The following MYO15B variants were observed in gnomAD, a reference collection of about 807,000 sequenced individuals.
MYO15B encodes myosin XVB pseudogene.
Under a neutral mutation model 119.3 loss-of-function variants are expected in MYO15B, and 207 were observed. The ratio of observed to expected loss-of-function variants is 1.73; its 90% confidence interval spans 1.55 to 1.95. The LOEUF (loss-of-function observed/expected upper bound fraction) is 1.95, where lower values mean the gene tolerates loss of function less well. Among genes scored for constraint, MYO15B ranks in the 30% most tolerant of loss-of-function variants. The pLI is 0.00. For synonymous variants in MYO15B, 966 were observed against 498.9 expected, an observed-to-expected ratio of 1.94 and a Z score of -12.48; for missense variants, 2,264 against 1,203.1, an observed-to-expected ratio of 1.88 and a Z score of -13.04.
At chr17:75,614,704 T>TG in intron 31 of MYO15B, 21 bp downstream of exon 31, 1 of 702,524 alleles carries the variant, frequency 1.4e-6, no homozygotes, top group Non-Finnish European at 2.6e-6. Context: ...AGTGGGCACA[T>TG]GGAGGTTGGC....
chr17:75,599,416 A>C (rs1338160232), intron 14 of MYO15B, among the ~76,000 whole-genome samples: 2 of 151,978 alleles, frequency 1.3e-5, no homozygotes, highest in African/African-American at 2.4e-5. Context: ...CTGGGACTAC[A>C]GGCACCCGCC....
At chr17:75,610,706 C>G in intron 22 of MYO15B, 194 bp from the exon 23 acceptor site, 1 of 584,460 alleles carries the variant, frequency 1.7e-6, no homozygotes, top group East Asian at 2.8e-5. Flanking sequence ...GGCAGATGGG[C>G]ACAGACGCCC....
exon 1 of MYO15B, chr17:75,588,347 G>C (rs1192220414): frequency 2.5e-6 from 1 of 398,448 alleles, no homozygotes; most frequent in Admixed American, 4.4e-5. Flanking sequence ...AACGCGCAGC[G>C]TCAGGGACGC....
In MYO15B at chr17:75,616,303, C is replaced by T. The variant is rs1487401394; in HGVS notation, c.6110-9C>T. Reference sequence around the variant, plus strand: ...TGGGTAACTTTGAAGGCCATCTGGACACTTGCAGGGCAGCCACAGATCACA... The same window carrying T: ...TGGGTAACTTTGAAGGCCATCTGGATACTTGCAGGGCAGCCACAGATCACA... On this transcript the variant is annotated splice_polypyrimidine_tract_variant and intron_variant, in intron 37 of 63. Transcript: ENST00000645453. 1.7e-6 allele frequency: 1 copy of T among 602,886 alleles called. No individual in the cohort carries two copies. 37.3% of individuals were successfully genotyped at this position (602,886 alleles called of 1,614,324 possible).
rs2148098638 is a variant in MYO15B at position 75,620,516 on chromosome 17, CAT to C, written c.7607_7608del (p.Ile2536SerfsTer51). 1.4e-6 allele frequency: 1 copy of C among 702,838 alleles called. No homozygotes were observed. The highest frequency in any genetic ancestry group is 1.5e-5 in the South Asian group (1 of 67,600). The allele number at this position is 702,838 out of a possible 1,614,324, so 43.5% of individuals were successfully genotyped here. ...GCCGTTCCGGACTCTTTCCTGCCGA[CAT>C]AGTGCAGCCGGCTGCCGCTCCCGAC... On this transcript the variant is annotated frameshift_variant, in exon 49 of 64. Coordinates refer to ENST00000645453, the Ensembl canonical transcript of MYO15B. LOFTEE classifies it high-confidence loss of function.
At chr17:75,625,287 C>T (rs1189065704) in intron 60 of MYO15B, 49 bp downstream of exon 60, 1 of 664,342 alleles carries the variant, frequency 1.5e-6, no homozygotes, top group African/African-American at 1.8e-5. Context: ...TCTCTAAGGT[C>T]AAGGCCATTT....
chr17:75,610,337 C>G, intron 22 of MYO15B, 78 bp downstream of exon 22: 1 of 617,098 alleles, frequency 1.6e-6, no homozygotes, highest in Non-Finnish European at 2.9e-6. Flanking sequence ...ATCCCAGCAG[C>G]GTTGACCCTC....
Position 75,611,728 on chromosome 17 carries a change from C to T in MYO15B, c.4504+70C>T, listed in dbSNP as rs1239950374. On this transcript the variant is annotated intron_variant, in intron 24 of 63. Transcript: ENST00000645453. Reference sequence around the variant, plus strand: ...CCTTTACTGTGGGGTGTGTCTGTCCCTTGTGGTTCCTCCCTCTGATGCTCC... The same window carrying T: ...CCTTTACTGTGGGGTGTGTCTGTCCTTTGTGGTTCCTCCCTCTGATGCTCC... The T allele has an allele frequency of 4.3e-6, 3 of 700,084 alleles. No individual in the cohort carries two copies. The East Asian group carries it at 8.1e-5, about 19-fold the overall frequency. 43.4% of individuals were successfully genotyped at this position (700,084 alleles called of 1,614,324 possible). A position where few individuals can be genotyped will look rare whatever the true frequency, so the allele number is the denominator to read the frequency against.
chr17:75,592,489 AG>A lies in MYO15B; in HGVS notation c.2778del (p.Glu926AspfsTer37). ...CTGCTGGCAGGGCTGGACTCCATAG[AG>A]CGGGAGCGGCTCTCCCTGCAGGGAC... is the stretch of plus-strand genomic sequence containing the variant. On this transcript the variant is annotated frameshift_variant, in exon 8 of 64. Coordinates refer to ENST00000645453, the Ensembl canonical transcript of MYO15B. LOFTEE classifies it high-confidence loss of function. The A allele has an allele frequency of 4.9e-6, 3 of 609,054 alleles. No individual in the cohort carries two copies. Among genetic ancestry groups the A allele is most frequent in the Non-Finnish European group, 8.8e-6 (3 of 341,628 alleles). 37.7% of individuals were successfully genotyped at this position (609,054 alleles called of 1,614,324 possible). A position where few individuals can be genotyped will look rare whatever the true frequency, so the allele number is the denominator to read the frequency against.
intron 60 of MYO15B, 63 bp from the exon 61 acceptor site, chr17:75,625,464 G>A (rs750360484): frequency 5.7e-6 from 4 of 696,996 alleles, no homozygotes; most frequent in African/African-American, 1.7e-5. Context: ...TTTGGCACGT[G>A]CTGTATGCCC....
rs967528001 is a variant in MYO15B at position 75,621,012 on chromosome 17, A to G, written c.7726-19A>G. 1.4e-6 allele frequency: 1 copy of G among 702,758 alleles called. No individual in the cohort carries two copies. The highest frequency in any genetic ancestry group is 2.6e-6 in the Non-Finnish European group (1 of 385,008). 43.5% of individuals were successfully genotyped at this position (702,758 alleles called of 1,614,324 possible). ...GGGCACTGGACACTCAGGTGGCACC[A>G]GGTTTCTTGTGATCCCAGCGCCCTG... On this transcript the variant is annotated intron_variant, in intron 49 of 63. Transcript: ENST00000645453.
chr17:75,612,761 CTGGTGAGCA>C (rs752212898), intron 25 of MYO15B, 28 bp from the exon 26 acceptor site: 1 of 702,836 alleles, frequency 1.4e-6, no homozygotes, highest in South Asian at 1.5e-5. Flanking sequence ...TGTCTGATAG[CTGGTGAGCA>C]TGGACTGAGC....
At chr17:75,593,905 G>A (rs1250021549) in intron 9 of MYO15B, among the ~76,000 whole-genome samples, 1 of 141,214 alleles carries the variant, frequency 7.1e-6, no homozygotes, top group African/African-American at 2.6e-5. Context: ...AGCAACAAGA[G>A]CGAGACTCAG....
In MYO15B at chr17:75,620,548, C is replaced by T. The variant is rs187873445; in HGVS notation, c.7637C>T (p.Ser2546Phe). 1.7e-3 allele frequency: 1,199 copies of T among 702,842 alleles called. 2 individuals are homozygous for T. The highest frequency in any genetic ancestry group is 2.5e-3 in the Admixed American group (125 of 50,020). 43.5% of individuals were successfully genotyped at this position (702,842 alleles called of 1,614,324 possible). ...CAGCCGGCTGCCGCTCCCGACTTTT[C>T]CTTCTCCAAGGAGCAGAGGAGTGGC... Residue 2546 changes from serine to phenylalanine, a missense_variant, in exon 49 of 64, where the codon TCC becomes TTC. Ser to Phe is a radical substitution (Grantham distance 155). Coordinates refer to ENST00000645453, the Ensembl canonical transcript of MYO15B.
At chr17:75,613,142 T>C (rs955473902) in exon 27 of MYO15B, 39 of 702,482 alleles carry the variant, frequency 5.6e-5, no homozygotes, top group Non-Finnish European at 8.1e-5. Flanking sequence ...CCAGCGTGGC[T>C]GGGCCCTCAT....
rs2058175619 is a variant in MYO15B at position 75,613,689 on chromosome 17, C to T, written c.5147-16C>T. The T allele has an allele frequency of 1.4e-6, 1 of 701,002 alleles. No individual in the cohort carries two copies. The highest frequency in any genetic ancestry group is 2.6e-6 in the Non-Finnish European group (1 of 384,096). 43.4% of individuals were successfully genotyped at this position (701,002 alleles called of 1,614,324 possible). A position where few individuals can be genotyped will look rare whatever the true frequency, so the allele number is the denominator to read the frequency against. Reference sequence around the variant, plus strand: ...GCTGTCCCTCACTCTTGCCCCCGCCCCCCATGCCCCTGCAGAGGAGTGCTA... The same window carrying T: ...GCTGTCCCTCACTCTTGCCCCCGCCTCCCATGCCCCTGCAGAGGAGTGCTA... On this transcript the variant is annotated splice_polypyrimidine_tract_variant and intron_variant, in intron 28 of 63. Coordinates refer to ENST00000645453, the Ensembl canonical transcript of MYO15B.
intron 15 of MYO15B, chr17:75,602,170 C>T (rs562692325): frequency 5.5e-6 from 2 of 364,220 alleles, no homozygotes; most frequent in South Asian, 2.5e-5. Flanking sequence ...GAGTTGCCCC[C>T]AAAAAAGAAA....
chr17:75,625,166 AGGCAGACGCGCAGCTCGC>A, exon 60 of MYO15B: 1 of 702,448 alleles, frequency 1.4e-6, no homozygotes, highest in Non-Finnish European at 2.6e-6. Flanking sequence ...GTCAGCGCCA[AGGCAGACGCGCAGCTCGC>A]CAGGCTGGCC....
intron 21 of MYO15B, among the ~76,000 whole-genome samples, chr17:75,609,636 C>T (rs973406171): frequency 6.6e-6 from 1 of 151,290 alleles, no homozygotes; most frequent in Non-Finnish European, 1.5e-5. Context: ...TCCCTTCCTC[C>T]CTCTCTCCCT....
Sources: allele counts gnomAD v4.1 joint callset (sites outside exome capture counted in the v4.1 genomes callset), GRCh38; gene constraint gnomAD v4.1.1; transcripts MANE v1.5; gene names NCBI Gene and HGNC (gene_info 2026-07-23, HGNC 2026-07-21).